SV2C: variants seen among roughly 807,000 people sequenced by gnomAD.
SV2C encodes solute carrier family 22 member B3.
Under a neutral mutation model 79.7 loss-of-function variants are expected in SV2C, and 49 were observed. That is an observed-to-expected ratio of 0.61 (90% confidence interval 0.49 to 0.78). SV2C has a LOEUF of 0.78. SV2C is among the 30% of genes least tolerant of loss of function. The pLI is 0.00. For synonymous variants in SV2C, 334 were observed against 333.2 expected (o/e 1.00, Z -0.03); for missense variants, 833 against 912.9 (o/e 0.91, Z 1.13).
At chr5:75,907,274 ATATTACT>A in the SV2C span, among the ~76,000 whole-genome samples, 2 of 152,186 alleles carry the variant, frequency 1.3e-5, no homozygotes, top group African/African-American at 2.4e-5. Context: ...TTTTGACTAA[ATATTACT>A]TATTACTTAA....
At chr5:76,007,306 C>G in the SV2C span, among the ~76,000 whole-genome samples, 4 of 151,830 alleles carry the variant, frequency 2.6e-5, no homozygotes, top group Admixed American at 2.6e-4. Context: ...AAAACATAAG[C>G]GTATAGTGAA....
chr5:75,981,154 A>G, the SV2C span, among the ~76,000 whole-genome samples: 378 of 152,304 alleles, frequency 2.5e-3, 2 homozygotes, highest in African/African-American at 8.5e-3. Context: ...AATACAGGTA[A>G]CTAGTGAGGT....
chr5:76,073,130 T>C, the SV2C span, among the ~76,000 whole-genome samples: 4 of 152,206 alleles, frequency 2.6e-5, no homozygotes, highest in African/African-American at 9.7e-5. Context: ...TTTGTTGCAT[T>C]TGTGCTCGGT....
intron 2 of SV2C, among the ~76,000 whole-genome samples, chr5:76,172,475 G>T (rs1743337469): frequency 1.2e-5 from 1 of 84,242 alleles, no homozygotes; most frequent in Non-Finnish European, 2.4e-5. Context: ...GGTGAGGGGC[G>T]CCTCTGCCCG....
At chr5:75,970,974 C>T in the SV2C span, among the ~76,000 whole-genome samples, 1 of 152,092 alleles carries the variant, frequency 6.6e-6, no homozygotes, top group Non-Finnish European at 1.5e-5. Flanking sequence ...AGCTTATCCA[C>T]CATAATCAAG....
the SV2C span, among the ~76,000 whole-genome samples, chr5:75,865,511 G>A: frequency 6.6e-6 from 1 of 152,228 alleles, no homozygotes; most frequent in Non-Finnish European, 1.5e-5. Context: ...GGCCTTGAAA[G>A]ATGATGTAGA....
chr5:76,161,108 T>A (rs1181215048), intron 2 of SV2C, among the ~76,000 whole-genome samples: 1 of 152,102 alleles, frequency 6.6e-6, no homozygotes, highest in Non-Finnish European at 1.5e-5. Flanking sequence ...AGCTAAAAGG[T>A]GAAAGCAACC....
chr5:75,875,222 C>CA, the SV2C span, among the ~76,000 whole-genome samples: 226 of 151,990 alleles, frequency 1.5e-3, 2 homozygotes, highest in African/African-American at 5.0e-3. Context: ...AGTACTGGTA[C>CA]AAAAAAAGGC....
downstream of SV2C, among the ~76,000 whole-genome samples, chr5:76,337,999 GGCA>G (rs948931194): frequency 6.6e-6 from 1 of 152,152 alleles, no homozygotes; most frequent in Admixed American, 6.5e-5. Flanking sequence ...GGGAGCCAGG[GGCA>G]GCAGCATGCC....
the SV2C span, among the ~76,000 whole-genome samples, chr5:75,940,507 G>C: frequency 6.6e-6 from 1 of 152,136 alleles, no homozygotes; most frequent in African/African-American, 2.4e-5. Flanking sequence ...TTTCCCACTG[G>C]TTAATGGTTC....
chr5:76,185,055 T>A (rs1743869837), intron 2 of SV2C, among the ~76,000 whole-genome samples: 1 of 152,184 alleles, frequency 6.6e-6, no homozygotes, highest in African/African-American at 2.4e-5. Flanking sequence ...ATGGGAGAAA[T>A]TGGCCAAAAT....
At chr5:76,228,060 CTCTCTCTCTT>C (rs897809011) in intron 4 of SV2C, among the ~76,000 whole-genome samples, 2 of 152,178 alleles carry the variant, frequency 1.3e-5, no homozygotes, top group African/African-American at 4.8e-5. Context: ...ATCTCTCTCT[CTCTCTCTCTT>C]TCTCTCTCTT....
chr5:75,956,747 G>T, the SV2C span, among the ~76,000 whole-genome samples: 1 of 151,984 alleles, frequency 6.6e-6, no homozygotes, highest in Non-Finnish European at 1.5e-5. Flanking sequence ...TCATGTGGAT[G>T]TCCTTGAGAA....
In SV2C at chr5:76,236,998, C is replaced by T. The variant is rs188934583; in HGVS notation, c.913+27111C>T. Among the ~76,000 whole-genome samples the T allele has an allele frequency of 3.3e-3, 506 of 152,292 alleles. 3 individuals are homozygous for T. Among genetic ancestry groups the T allele is most frequent in the African/African-American group, 0.011 (477 of 41,570 alleles). ...GCATTTGCCCTGCTTGCACTCACTC[C>T]GTCCTGATGCCCTGTGAAGAAGGTG... On this transcript the variant is annotated intron_variant, in intron 4 of 12. Coordinates refer to ENST00000502798, the MANE Select transcript of SV2C (RefSeq NM_014979.4).
At chr5:76,163,097 C>T (rs1008592199) in intron 2 of SV2C, among the ~76,000 whole-genome samples, 7 of 152,226 alleles carry the variant, frequency 4.6e-5, no homozygotes, top group Non-Finnish European at 8.8e-5. Flanking sequence ...AAACCTGGGC[C>T]TGACCCTGCC....
At chr5:76,001,591 A>G in the SV2C span, among the ~76,000 whole-genome samples, 2 of 43,970 alleles carry the variant, frequency 4.5e-5, no homozygotes, top group African/African-American at 1.5e-4. Context: ...TCCATCTCAG[A>G]AAAAAAAAAA....
chr5:75,883,855 CAA>C, the SV2C span, among the ~76,000 whole-genome samples: 4 of 134,276 alleles, frequency 3.0e-5, no homozygotes, highest in African/African-American at 1.1e-4. Flanking sequence ...AAAAAAAAAA[CAA>C]AAAAAAAACA....
intron 12 of SV2C, among the ~76,000 whole-genome samples, chr5:76,319,146 C>A (rs749770021): frequency 8.5e-5 from 13 of 152,090 alleles, no homozygotes; most frequent in Non-Finnish European, 1.3e-4. Context: ...CGTGGTGGCT[C>A]ACGCCTGTAA....
At chr5:76,088,151 C>T (rs534790303) in intron 1 of SV2C, among the ~76,000 whole-genome samples, 1 of 152,298 alleles carries the variant, frequency 6.6e-6, no homozygotes, top group South Asian at 2.1e-4. Flanking sequence ...AATATATTAA[C>T]TCCTTATGCT....
Sources: gnomAD v4.1 joint callset for allele counts (sites outside exome capture counted in the v4.1 genomes callset) on GRCh38, gnomAD v4.1.1 for gene constraint, MANE v1.5 for transcripts, NCBI Gene and HGNC (gene_info 2026-07-23, HGNC 2026-07-21) for gene names.